The following GABRB1 variants were observed in gnomAD, a reference collection of about 807,000 sequenced individuals.
GABRB1 encodes gamma-aminobutyric acid receptor subunit beta-1.
GABRB1 carries 17 observed loss-of-function variants against 51.6 expected under a neutral mutation model. That is an observed-to-expected ratio of 0.33 (90% CI 0.23 to 0.49). GABRB1 has a LOEUF of 0.49. Among genes scored for constraint, GABRB1 ranks in the 20% least tolerant of loss-of-function variants. The pLI, the probability that GABRB1 is intolerant of heterozygous loss-of-function variation, is 0.99. For missense variants in GABRB1, 410 were observed against 600.6 expected, an observed-to-expected ratio of 0.68 and a Z score of 3.32; for synonymous variants, 247 against 218.9, an observed-to-expected ratio of 1.13 and a Z score of -1.14.
chr4:47,264,406 A>C (rs1009875916), intron 4 of GABRB1, among the ~76,000 whole-genome samples: 3 of 152,352 alleles, frequency 2.0e-5, no homozygotes, highest in African/African-American at 7.2e-5. Flanking sequence ...AAAGCAAGGA[A>C]TTAAATGTAA....
chr4:47,303,028 C>A (rs10030303), intron 4 of GABRB1, among the ~76,000 whole-genome samples: 87,633 of 151,676 alleles, frequency 0.58, 25,380 homozygotes, highest in East Asian at 0.69. Flanking sequence ...TTTATGAATA[C>A]AGTGTATTTA....
At chr4:47,176,183 G>A (rs1278030718) in intron 4 of GABRB1, among the ~76,000 whole-genome samples, 2 of 151,886 alleles carry the variant, frequency 1.3e-5, no homozygotes, top group African/African-American at 2.4e-5. Flanking sequence ...TAGTTCAGGT[G>A]GTGTATTATG....
At chr4:47,327,855 T>G (rs1725313030) in intron 5 of GABRB1, among the ~76,000 whole-genome samples, 1 of 152,210 alleles carries the variant, frequency 6.6e-6, no homozygotes, top group Non-Finnish European at 1.5e-5. Context: ...CAAATGGTAT[T>G]TCTAGTTCTA....
At chr4:47,376,997 T>A (rs1727405632) in intron 5 of GABRB1, among the ~76,000 whole-genome samples, 1 of 152,142 alleles carries the variant, frequency 6.6e-6, no homozygotes, top group Non-Finnish European at 1.5e-5. Context: ...TCACATCACA[T>A]TGTATTTATT....
chr4:47,276,455 CT>C (rs1039304329), intron 4 of GABRB1, among the ~76,000 whole-genome samples: 23 of 152,024 alleles, frequency 1.5e-4, no homozygotes. Context: ...ACCTTGAAGC[CT>C]CTCCATCTGT....
chr4:47,415,610 A>C (rs1444277495), intron 8 of GABRB1, among the ~76,000 whole-genome samples: 1 of 152,192 alleles, frequency 6.6e-6, no homozygotes, highest in Admixed American at 6.5e-5. Context: ...TAGAAGATGC[A>C]ATTAGGCATA....
At chr4:47,360,864 TA>T (rs1262470221) in intron 5 of GABRB1, among the ~76,000 whole-genome samples, 2 of 152,108 alleles carry the variant, frequency 1.3e-5, no homozygotes, top group Non-Finnish European at 2.9e-5. Flanking sequence ...TCAGAAATAA[TA>T]ATAATCCCAA....
chr4:47,310,134 A>G (rs954965288), intron 4 of GABRB1, among the ~76,000 whole-genome samples: 2 of 152,186 alleles, frequency 1.3e-5, no homozygotes, highest in Non-Finnish European at 2.9e-5. Context: ...TGCAATCCTG[A>G]GTGATATTTA....
At chr4:47,307,652 A>G (rs528407171) in intron 4 of GABRB1, among the ~76,000 whole-genome samples, 26 of 152,194 alleles carry the variant, frequency 1.7e-4, no homozygotes, top group African/African-American at 5.3e-4. Context: ...CATCTAAGTA[A>G]CTGAATAAGA....
At chr4:47,128,379 G>T (rs940509668) in intron 3 of GABRB1, among the ~76,000 whole-genome samples, 1 of 151,522 alleles carries the variant, frequency 6.6e-6, no homozygotes, top group Admixed American at 6.6e-5. Context: ...AAATAATAAA[G>T]GTAGAATAAA....
At chr4:47,105,007 G>C (rs1312487644) in intron 3 of GABRB1, among the ~76,000 whole-genome samples, 1 of 151,708 alleles carries the variant, frequency 6.6e-6, no homozygotes, top group East Asian at 1.9e-4. Context: ...CATGTTTTTT[G>C]GTTGAAATGG....
intron 3 of GABRB1, among the ~76,000 whole-genome samples, chr4:47,084,626 C>A (rs1374870568): frequency 6.6e-6 from 1 of 152,122 alleles, no homozygotes; most frequent in Non-Finnish European, 1.5e-5. Context: ...TTTGTAATGG[C>A]AGATATAATT....
At chr4:47,216,975 A>C (rs1390262273) in intron 4 of GABRB1, among the ~76,000 whole-genome samples, 1 of 152,028 alleles carries the variant, frequency 6.6e-6, no homozygotes, top group Non-Finnish European at 1.5e-5. Context: ...GAGAATGGAA[A>C]AATAAGATGT....
At chr4:47,003,764 C>T (rs1195133035) in intron 1 of GABRB1, among the ~76,000 whole-genome samples, 1 of 152,204 alleles carries the variant, frequency 6.6e-6, no homozygotes, top group African/African-American at 2.4e-5. Flanking sequence ...TCTTCTGACT[C>T]TTCCTCCAGT....
intron 3 of GABRB1, among the ~76,000 whole-genome samples, chr4:47,077,688 A>G (rs1727615606): frequency 6.6e-6 from 1 of 151,502 alleles, no homozygotes; most frequent in Non-Finnish European, 1.5e-5. Flanking sequence ...ATAAAGTTTT[A>G]GGGAAACCAT....
At chr4:47,079,103 G>T (rs1478540202) in intron 3 of GABRB1, among the ~76,000 whole-genome samples, 1 of 152,168 alleles carries the variant, frequency 6.6e-6, no homozygotes, top group East Asian at 1.9e-4. Flanking sequence ...CCAGGCTTTG[G>T]TATCAGGATG....
At chr4:47,299,286 A>T (rs1358294293) in intron 4 of GABRB1, among the ~76,000 whole-genome samples, 3 of 152,134 alleles carry the variant, frequency 2.0e-5, no homozygotes, top group Admixed American at 6.5e-5. Context: ...AGAAACTACC[A>T]TCAGAGTGAA....
chr4:47,018,300 C>T (rs1039016034), intron 1 of GABRB1, among the ~76,000 whole-genome samples: 1 of 151,922 alleles, frequency 6.6e-6, no homozygotes, highest in Non-Finnish European at 1.5e-5. Context: ...CAGCCTCCCA[C>T]GTCAGCCTCC....
At chr4:47,158,718 T>C (rs1488801128) in intron 3 of GABRB1, among the ~76,000 whole-genome samples, 2 of 152,092 alleles carry the variant, frequency 1.3e-5, no homozygotes, top group Non-Finnish European at 2.9e-5. Flanking sequence ...GACTTAGAAT[T>C]CATTACAGAC....
Sources: allele counts gnomAD v4.1 joint callset (sites outside exome capture counted in the v4.1 genomes callset), GRCh38; gene constraint gnomAD v4.1.1; transcripts MANE v1.5; gene names NCBI Gene and HGNC (gene_info 2026-07-23, HGNC 2026-07-21).